The following UCK1 variants were observed in gnomAD, a reference collection of about 807,000 sequenced individuals.
UCK1 encodes cytidine monophosphokinase 1.
UCK1 carries 20 observed loss-of-function variants against 34.0 expected under a neutral mutation model. That is an observed-to-expected ratio of 0.59 (90% confidence interval 0.41 to 0.86). UCK1 has a LOEUF of 0.86. Ranked by LOEUF, UCK1 falls within the 40% of genes least tolerant of loss-of-function variation. UCK1 has a pLI of 0.00. For missense variants in UCK1, 343 were observed against 383.6 expected (o/e 0.89, Z 0.88); for synonymous variants, 168 against 155.9 (o/e 1.08, Z -0.58).
At chr9:131,529,093 G>T (rs747874391) in intron 4 of UCK1, 35 bp downstream of exon 4, 1 of 1,613,410 alleles carries the variant, frequency 6.2e-7, no homozygotes, top group Non-Finnish European at 8.5e-7. Flanking sequence ...CGCCAGCCTC[G>T]GCCAGGCAGG....
rs367640875 is a variant in UCK1 at position 131,526,578 on chromosome 9, G to A, written c.604-601C>T. The A allele has an allele frequency of 6.5e-6, 8 of 1,237,482 alleles. No individual in the cohort carries two copies. In the South Asian group the frequency reaches 8.7e-5, roughly 14 times the overall value. The allele number at this position is 1,237,482 out of a possible 1,614,324, so 76.7% of individuals were successfully genotyped here. A position where few individuals can be genotyped will look rare whatever the true frequency, so the allele number is the denominator to read the frequency against. Reference sequence around the variant, plus strand: ...TGGGGAGGGTCCGCAGCCAGATGGTGGGGGTTGGGGGGTGGCTTTAGGGAA... The same window carrying A: ...TGGGGAGGGTCCGCAGCCAGATGGTAGGGGTTGGGGGGTGGCTTTAGGGAA... On this transcript the variant is annotated intron_variant, in intron 5 of 6. Coordinates refer to ENST00000372215, the MANE Select transcript of UCK1 (RefSeq NM_031432.5).
rs1266684672 is a variant in UCK1, at chr9:131,531,254, G to C, written c.-80C>G. On this transcript the variant is annotated 5_prime_UTR_variant, in exon 1 of 7. Coordinates refer to ENST00000372215, the MANE Select transcript of UCK1 (RefSeq NM_031432.5). The stretch of plus-strand genomic sequence containing the variant: ...GGCGCGCCCGCCCAGCGCCGAGGTC[G>C]GAGGCAACCGGAGCGATCACTTCCG... The C allele has an allele frequency of 1.0e-4, 122 of 1,211,776 alleles. No homozygotes were observed. The highest frequency in any genetic ancestry group is 1.3e-4 in the Non-Finnish European group (119 of 946,438). The allele number at this position is 1,211,776 out of a possible 1,614,324, so 75.1% of individuals were successfully genotyped here. A position where few individuals can be genotyped will look rare whatever the true frequency, so the allele number is the denominator to read the frequency against.
intron 6 of UCK1, 60 bp from the exon 7 acceptor site, chr9:131,525,281 C>G: frequency 1.9e-6 from 3 of 1,606,068 alleles, no homozygotes; most frequent in Non-Finnish European, 2.5e-6. Context: ...GGAGACCGCC[C>G]CTCCCCGCAG....
At position 131,529,197 on chromosome 9, in the gene UCK1, C is replaced by T; in HGVS notation, c.439G>A (p.Glu147Lys). ...CGCAGGTGGAACATGTCCCGGATCT[C>T]CTGGCTGTAGAACACCAAGATGCCC... ...FEGILVFYSQ[E>K]IRDMFHLRLF... The change falls in exon 4 of 7, where the codon GAG (glutamate) becomes AAG (lysine). Residue 147 changes from glutamate (E) to lysine (K), a missense_variant. Glu to Lys is a moderately conservative substitution (Grantham distance 56). Coordinates refer to ENST00000372215, the MANE Select transcript of UCK1 (RefSeq NM_031432.5). 6.2e-7 allele frequency: 1 copy of T among 1,614,168 alleles called. No individual in the cohort carries two copies. The highest frequency in any genetic ancestry group is 8.5e-7 in the Non-Finnish European group (1 of 1,180,030).
rs942252355 is a variant in UCK1 at position 131,524,797 on chromosome 9, A to G, written c.*243T>C. The G allele has an allele frequency of 1.6e-5, 8 of 497,654 alleles. No homozygotes were observed. Among genetic ancestry groups the G allele is most frequent in the Non-Finnish European group, 2.8e-5 (8 of 280,788 alleles). 30.8% of individuals were successfully genotyped at this position (497,654 alleles called of 1,614,324 possible). On this transcript the variant is annotated 3_prime_UTR_variant, in exon 7 of 7. Coordinates refer to ENST00000372215, the MANE Select transcript of UCK1 (RefSeq NM_031432.5). ...ATTCTGTGGCATTTCTCAGTGACCT[A>G]GAGGGATCTTTAAACCGCAACGAGC...
At chr9:131,530,666 T>C in intron 1 of UCK1, 21 bp from the exon 2 acceptor site, 1 of 1,614,200 alleles carries the variant, frequency 6.2e-7, no homozygotes, top group Non-Finnish European at 8.5e-7. Flanking sequence ...AGAAGCGGGA[T>C]TCCCGCCTGG....
At chr9:131,527,607 TG>T (rs1244927738) in intron 5 of UCK1, among the ~76,000 whole-genome samples, 1 of 152,018 alleles carries the variant, frequency 6.6e-6, no homozygotes, top group Non-Finnish European at 1.5e-5. Context: ...CCAGGCATAG[TG>T]GCTCACACCT....
In UCK1 at chr9:131,525,963, G is replaced by A. The variant is rs746496541; in HGVS notation, c.618C>T (p.Ala206=). ...EEFCLPTKKY[A]DVIIPRGVDN... ...CCACTCCTCGCGGGATGATCACATC[G>A]GCATACTTCTTTGTCTGTAAGGCAC... Residue 206 remains alanine (A), a synonymous_variant, in exon 6 of 7, where the codon GCC becomes GCT. Coordinates refer to ENST00000372215, the MANE Select transcript of UCK1 (RefSeq NM_031432.5). The A allele has an allele frequency of 5.6e-6, 9 of 1,614,028 alleles. No homozygotes were observed. The highest frequency in any genetic ancestry group is 2.2e-5 in the South Asian group (2 of 91,082).
intron 2 of UCK1, among the ~76,000 whole-genome samples, chr9:131,530,285 G>C (rs146959622): frequency 4.7e-4 from 72 of 152,316 alleles, no homozygotes; most frequent in African/African-American, 1.7e-3. Context: ...CCACGCTCCT[G>C]GGGGGACACT....
At chr9:131,525,856 C>T (rs1950584426) in intron 6 of UCK1, 73 bp downstream of exon 6, 1 of 1,517,578 alleles carries the variant, frequency 6.6e-7, no homozygotes, top group Non-Finnish European at 9.1e-7. Context: ...TCAGTAACTG[C>T]ACACTGGTGG....
Position 131,525,986 on chromosome 9 carries a change from C to G in UCK1, c.604-9G>C, listed in dbSNP as rs770482251. The stretch of plus-strand genomic sequence containing the variant: ...TCGGCATACTTCTTTGTCTGTAAGG[C>G]ACAAGGGGGGGTGTTCCTGTGAGGA... On this transcript the variant is annotated splice_polypyrimidine_tract_variant and intron_variant, in intron 5 of 6. Transcript: ENST00000372215. 1.2e-5 allele frequency: 19 copies of G among 1,613,820 alleles called. No homozygotes were observed. Among genetic ancestry groups the G allele is most frequent in the Non-Finnish European group, 1.6e-5 (19 of 1,179,956 alleles).
Position 131,531,199 on chromosome 9 carries a change from G to T in UCK1, c.-25C>A. 1 of 1,378,696 alleles carries T rather than the reference G, an allele frequency of 7.3e-7. No individual in the cohort carries two copies. The highest frequency in any genetic ancestry group is 9.4e-7 in the Non-Finnish European group (1 of 1,065,750). 85.4% of individuals were successfully genotyped at this position (1,378,696 alleles called of 1,614,324 possible). ...TCTCGGCCTCCGCTCCCGCGCATCGGGTCCCCGCGCCCGCCCCTTCCCCAG... is the reference window on the plus strand; with the variant it reads ...TCTCGGCCTCCGCTCCCGCGCATCGTGTCCCCGCGCCCGCCCCTTCCCCAG... On this transcript the variant is annotated 5_prime_UTR_variant, in exon 1 of 7. Coordinates refer to ENST00000372215, the MANE Select transcript of UCK1 (RefSeq NM_031432.5).
Position 131,529,282 on chromosome 9 carries a change from A to G in UCK1, c.366-12T>C. On this transcript the variant is annotated splice_polypyrimidine_tract_variant and intron_variant, in intron 3 of 6. Transcript: ENST00000372215. ...TGGTCTCTGGTAACCTGAGGGGCGC[A>G]CGGGGAAAGGGGCTCTGCTGCAGAC... The G allele has an allele frequency of 6.2e-7, 1 of 1,613,970 alleles. No homozygotes were observed. Among genetic ancestry groups the G allele is most frequent in the Non-Finnish European group, 8.5e-7 (1 of 1,179,956 alleles).
At chr9:131,525,859 A>G in intron 6 of UCK1, 70 bp downstream of exon 6, 1 of 1,543,738 alleles carries the variant, frequency 6.5e-7, no homozygotes, top group South Asian at 1.1e-5. Flanking sequence ...GTAACTGCAC[A>G]CTGGTGGAAC....
chr9:131,526,868 G>T (rs1190244159), intron 5 of UCK1, among the ~76,000 whole-genome samples: 3 of 152,238 alleles, frequency 2.0e-5, no homozygotes, highest in African/African-American at 7.2e-5. Context: ...CTGATAGTCT[G>T]ACGGGCTGGA....
Position 131,530,590 on chromosome 9 carries a change from C to T in UCK1, c.164G>A (p.Arg55Gln). The T allele has an allele frequency of 2.5e-6, 4 of 1,614,238 alleles. No homozygotes were observed. Among genetic ancestry groups the T allele is most frequent in the Non-Finnish European group, 3.4e-6 (4 of 1,180,038 alleles). ...ELLGQNEVEQ[R>Q]QRKVVILSQD... ...GCTCAGGATGACCACCTTCCGCTGC[C>T]GCTGTTCCACCTCGTTCTGTCCCAG... The change falls in exon 2 of 7, where the codon CGG becomes CAG. Residue 55 changes from arginine (R) to glutamine (Q), a missense_variant. Physicochemically the swap from Arg to Gln is conservative, Grantham distance 43. Transcript: ENST00000372215.
Position 131,525,943 on chromosome 9 carries a change from C to A in UCK1, c.638G>T (p.Gly213Val). 1 of 1,614,088 alleles carries A rather than the reference C, an allele frequency of 6.2e-7. No homozygotes were observed. The highest frequency in any genetic ancestry group is 2.2e-5 in the East Asian group (1 of 44,886). ...CAGCTTCTTACCCATATTGTCCACT[C>A]CTCGCGGGATGATCACATCGGCATA... ...KKYADVIIPR[G>V]VDNMVAINLI... Residue 213 changes from glycine to valine, a missense_variant, in exon 6 of 7, where the codon GGA becomes GTA. Physicochemically the swap from Gly to Val is moderately radical, Grantham distance 109 (BLOSUM62 -3). Transcript: ENST00000372215.
rs961202386 is a variant in UCK1, at chr9:131,524,425, G to A, written c.*615C>T. 1.3e-5 allele frequency: 2 copies of A among 152,274 alleles called. No individual in the cohort carries two copies. The highest frequency in any genetic ancestry group is 4.1e-4 in the South Asian group (2 of 4,834). The allele number at this position is 152,274 out of a possible 1,614,324, so 9.4% of individuals were successfully genotyped here. ...TCTCTGCCTTTAAGGCACAAGCAAG[G>A]GGGGAAAACATCCCTCAGTGGCTCC... On this transcript the variant is annotated 3_prime_UTR_variant, in exon 7 of 7. Transcript: ENST00000372215.
rs1205408243 is a variant in UCK1 at position 131,531,204 on chromosome 9, C to CCGCGCCCGCCCCTTCCCCAGGCCCGG, written c.-56_-31dup. On this transcript the variant is annotated 5_prime_UTR_variant, in exon 1 of 7. Transcript: ENST00000372215. ...GCCTCCGCTCCCGCGCATCGGGTCC[C>CCGCGCCCGCCCCTTCCCCAGGCCCGG]CGCGCCCGCCCCTTCCCCAGGCCCG... is the stretch of plus-strand genomic sequence containing the variant. The CCGCGCCCGCCCCTTCCCCAGGCCCGG allele has an allele frequency of 4.2e-3, 5,666 of 1,362,136 alleles. 131 individuals carry two copies. In the East Asian group the frequency reaches 0.056, roughly 13 times the overall value. The allele number at this position is 1,362,136 out of a possible 1,614,324, so 84.4% of individuals were successfully genotyped here. A position where few individuals can be genotyped will look rare whatever the true frequency, so the allele number is the denominator to read the frequency against.
Sources: allele counts gnomAD v4.1 joint callset (sites outside exome capture counted in the v4.1 genomes callset), GRCh38; gene constraint gnomAD v4.1.1; transcripts MANE v1.5; gene names NCBI Gene and HGNC (gene_info 2026-07-23, HGNC 2026-07-21).